The following CDH10 variants were observed in gnomAD, a reference collection of about 807,000 sequenced individuals.
The protein encoded by CDH10 is cadherin 10.
In CDH10, 30 loss-of-function variants were observed where a neutral mutation model predicts 73.1. The observed-to-expected ratio is 0.41, with a 90% confidence interval of 0.31 to 0.56. CDH10 has a LOEUF of 0.56. CDH10 is among the 20% of genes least tolerant of loss of function. The pLI is 0.27. For synonymous variants in CDH10, 345 were observed against 348.2 expected, an observed-to-expected ratio of 0.99 and a Z score of 0.10; for missense variants, 815 against 973.7, an observed-to-expected ratio of 0.84 and a Z score of 2.17.
chr5:24,560,180 T>C lies in CDH10; in HGVS notation c.232-22506A>G, dbSNP rs1355944623. ...TAAGTTTAAATAAGATGATAATGTT[T>C]CATTTGGAAATATTTGCAATTGTGT... On this transcript the variant is annotated intron_variant, in intron 2 of 11. Transcript: ENST00000264463. Among the ~76,000 whole-genome samples the C allele has an allele frequency of 2.0e-5, 3 of 150,236 alleles. No homozygotes were observed. In the East Asian group the frequency reaches 6.0e-4, roughly 30 times the overall value.
intron 1 of CDH10, among the ~76,000 whole-genome samples, chr5:24,607,352 T>C (rs956824569): frequency 2.1e-4 from 32 of 151,956 alleles, no homozygotes. Context: ...AAGTATATGA[T>C]GGAACAGAAC....
chr5:24,602,867 T>A (rs1359618844), intron 1 of CDH10, among the ~76,000 whole-genome samples: 4 of 152,180 alleles, frequency 2.6e-5, no homozygotes, highest in Admixed American at 2.6e-4. Flanking sequence ...AATAAAAATA[T>A]GGAGTCATAA....
intron 1 of CDH10, among the ~76,000 whole-genome samples, chr5:24,610,895 G>A (rs1746922606): frequency 6.6e-6 from 1 of 152,118 alleles, no homozygotes; most frequent in Admixed American, 6.6e-5. Flanking sequence ...AAGGCTACAA[G>A]GTACAATATG....
intron 1 of CDH10, among the ~76,000 whole-genome samples, chr5:24,608,745 G>A (rs887041750): frequency 1.3e-5 from 2 of 152,146 alleles, no homozygotes; most frequent in African/African-American, 4.8e-5. Context: ...TACTTCACAT[G>A]AACCAGATAC....
intron 2 of CDH10, among the ~76,000 whole-genome samples, chr5:24,571,078 G>A (rs1421863081): frequency 6.6e-6 from 1 of 152,032 alleles, no homozygotes; most frequent in Non-Finnish European, 1.5e-5. Context: ...TCTTCACAAT[G>A]GAATTTTCTG....
At chr5:24,570,882 T>A (rs1020130428) in intron 2 of CDH10, among the ~76,000 whole-genome samples, 25 of 152,090 alleles carry the variant, frequency 1.6e-4, no homozygotes, top group Non-Finnish European at 2.9e-4. Context: ...AAAAAAAAAT[T>A]ATGACCCGGC....
intron 1 of CDH10, among the ~76,000 whole-genome samples, chr5:24,606,092 C>T (rs1746751508): frequency 6.6e-6 from 1 of 152,150 alleles, no homozygotes; most frequent in Admixed American, 6.5e-5. Context: ...GAGGTAACTC[C>T]CTGGGGAGAT....
chr5:24,495,361 T>G (rs1579715458), intron 9 of CDH10, among the ~76,000 whole-genome samples: 1 of 152,218 alleles, frequency 6.6e-6, no homozygotes, highest in African/African-American at 2.4e-5. Flanking sequence ...CTGTCTTCAC[T>G]GGGCTGTTCT....
chr5:24,565,340 A>C (rs1318828050), intron 2 of CDH10, among the ~76,000 whole-genome samples: 2 of 152,176 alleles, frequency 1.3e-5, no homozygotes, highest in Non-Finnish European at 2.9e-5. Flanking sequence ...ACAAAATATA[A>C]ATTTCTATGT....
chr5:24,632,341 TCAA>T (rs1747730147), intron 1 of CDH10, among the ~76,000 whole-genome samples: 6 of 122 alleles, frequency 0.049, no homozygotes, highest in African/African-American at 0.19. Context: ...ATACACCATT[TCAA>T]TTTCAATTTC....
rs200377194 is a variant in CDH10 at position 24,491,636 on chromosome 5, G to A, written c.1816C>T (p.Pro606Ser). ...AAGGCCCCAGTGCTGAGGCCGGCAG[G>A]GAGGAGCAGGGCTTCAGCACTGCAG... ...QSCSAEALLLPAGLSTGALIA... is the reference protein window; with the variant it reads ...QSCSAEALLLSAGLSTGALIA... Residue 606 changes from proline (P) to serine (S), a missense_variant, in exon 11 of 12, where the codon CCT becomes TCT. This residue lies in a region of CDH10 where 241 missense variants were observed against 240.3 expected (regional missense o/e 1.00). Coordinates refer to ENST00000264463, the MANE Select transcript of CDH10 (RefSeq NM_006727.5). 5.3e-5 allele frequency: 86 copies of A among 1,613,326 alleles called. No homozygotes were observed. Among genetic ancestry groups the A allele is most frequent in the Non-Finnish European group, 6.4e-5 (76 of 1,179,420 alleles).
chr5:24,488,979 A>G (rs1741950230), intron 11 of CDH10, among the ~76,000 whole-genome samples: 4 of 152,096 alleles, frequency 2.6e-5, no homozygotes, highest in Admixed American at 2.6e-4. Flanking sequence ...AAACAGTGGT[A>G]ATAGCATAAA....
intron 2 of CDH10, among the ~76,000 whole-genome samples, chr5:24,585,671 G>T (rs1417366762): frequency 6.6e-6 from 1 of 152,160 alleles, no homozygotes; most frequent in East Asian, 1.9e-4. Context: ...TGATCCACCT[G>T]TCTCAGCCTC....
chr5:24,637,296 G>A (rs1457940640), intron 1 of CDH10, among the ~76,000 whole-genome samples: 1 of 151,896 alleles, frequency 6.6e-6, no homozygotes, highest in Admixed American at 6.6e-5. Flanking sequence ...AAGAACGGAT[G>A]AATAAATAAA....
chr5:24,490,333 A>G (rs1167467345), intron 11 of CDH10, among the ~76,000 whole-genome samples: 1 of 152,162 alleles, frequency 6.6e-6, no homozygotes, highest in South Asian at 2.1e-4. Context: ...ATAAAATTAT[A>G]CCAAATTCTC....
At chr5:24,599,478 T>G (rs771906012) in intron 1 of CDH10, among the ~76,000 whole-genome samples, 4 of 152,176 alleles carry the variant, frequency 2.6e-5, no homozygotes, top group Admixed American at 1.3e-4. Flanking sequence ...CTAAGTTACT[T>G]CTAAGAAAAC....
At chr5:24,524,031 A>C (rs1743436961) in intron 5 of CDH10, among the ~76,000 whole-genome samples, 1 of 152,102 alleles carries the variant, frequency 6.6e-6, no homozygotes, top group Non-Finnish European at 1.5e-5. Context: ...CATGCATATA[A>C]ACACATTTAT....
At chr5:24,565,128 G>T (rs547143659) in intron 2 of CDH10, among the ~76,000 whole-genome samples, 77 of 152,118 alleles carry the variant, frequency 5.1e-4, no homozygotes, top group South Asian at 2.7e-3. Context: ...CTAGAAAGTG[G>T]ATGTATAGGT....
At chr5:24,579,161 A>C (rs1350833219) in intron 2 of CDH10, among the ~76,000 whole-genome samples, 9 of 151,946 alleles carry the variant, frequency 5.9e-5, no homozygotes, top group Non-Finnish European at 1.0e-4. Flanking sequence ...TATGATTAAA[A>C]GGCAATTCCT....
Sources: allele counts gnomAD v4.1 joint callset (sites outside exome capture counted in the v4.1 genomes callset), GRCh38; gene constraint gnomAD v4.1.1; regional missense constraint gnomAD v4.1.1; transcripts MANE v1.5; gene names NCBI Gene and HGNC (gene_info 2026-07-23, HGNC 2026-07-21).